Variants in TAF1C observed in about 807,000 individuals in gnomAD.
TAF1C encodes TATA-box binding protein associated factor, RNA polymerase I subunit C.
TAF1C carries 79 observed loss-of-function variants against 70.5 expected under a neutral mutation model. The observed-to-expected ratio is 1.12, with a 90% CI of 0.93 to 1.35. The LOEUF (loss-of-function observed/expected upper bound fraction) is 1.35. Ranked by LOEUF, TAF1C falls within the 40% of genes most tolerant of loss-of-function variation. The pLI is 0.00. For synonymous variants in TAF1C, 614 were observed against 491.1 expected (o/e 1.25, Z -3.31); for missense variants, 1,412 against 1,127.8 (o/e 1.25, Z -3.61).
At chr16:84,185,555 G>A (rs2089435455) in intron 1 of TAF1C, 1 of 152,246 alleles carries the variant, frequency 6.6e-6, no homozygotes, top group South Asian at 2.1e-4. Flanking sequence ...TCTTCCTACT[G>A]TCAAGCACAG....
At chr16:84,180,450 G>A in intron 12 of TAF1C, 106 bp from the exon 13 acceptor site, 1 of 1,181,658 alleles carries the variant, frequency 8.5e-7, no homozygotes, top group Non-Finnish European at 1.2e-6. Flanking sequence ...AGCCCTGAGG[G>A]GCAGCAGCAT....
Position 84,183,681 on chromosome 16 carries a change from G to A in TAF1C, c.220+16C>T. Reference sequence around the variant, plus strand: ...TGGAGCAGTGTGGAGTGAGCCCGGGGGAATGAGACCCTTACCGATGAGGGG... The same window carrying A: ...TGGAGCAGTGTGGAGTGAGCCCGGGAGAATGAGACCCTTACCGATGAGGGG... On this transcript the variant is annotated intron_variant, in intron 3 of 14. Transcript: ENST00000566732. 6.2e-7 allele frequency: 1 copy of A among 1,607,104 alleles called. No individual in the cohort carries two copies. Among genetic ancestry groups the A allele is most frequent in the Non-Finnish European group, 8.5e-7 (1 of 1,175,794 alleles).
In TAF1C at chr16:84,182,296, C is replaced by A; in HGVS notation, c.627G>T (p.Glu209Asp). The A allele has an allele frequency of 1.2e-6, 2 of 1,612,990 alleles. No individual in the cohort carries two copies. Among genetic ancestry groups the A allele is most frequent in the Non-Finnish European group, 1.7e-6 (2 of 1,179,948 alleles). The change falls in exon 7 of 15, where the codon GAG becomes GAT. Residue 209 changes from glutamate (E) to aspartate (D), a missense_variant. Glu to Asp is a conservative substitution (Grantham distance 45). Coordinates refer to ENST00000566732, the MANE Select transcript of TAF1C (RefSeq NM_001243156.2). The surrounding 1 kb of genome is among the most constrained non-coding windows in gnomAD (Gnocchi z 5.0). ...AGGCCAGCGCGCCCCCAGTGCAGGC[C>A]TCATCCAGAAGCAGCTGCTCCCACC... ...VLRWEQLLLD[E>D]ACTGGALAWV...
Position 84,181,789 on chromosome 16 carries a change from G to C in TAF1C, c.913C>G (p.Gln305Glu). The change falls in exon 9 of 15, where the codon CAG (glutamine) becomes GAG (glutamate). Residue 305 changes from glutamine to glutamate, a missense_variant. By Grantham distance (29) the Gln-to-Glu change is conservative. Transcript: ENST00000566732. ...GCCCCTTTCTCCACCTGCATTGCCTGCAGAAGGGTTGGCTGCCACTGTTTA... is the reference window on the plus strand; with the variant it reads ...GCCCCTTTCTCCACCTGCATTGCCTCCAGAAGGGTTGGCTGCCACTGTTTA... ...FGKQWQPTLL[Q>E]AMQVEKGATG... 1 of 1,614,174 alleles carries C rather than the reference G, an allele frequency of 6.2e-7. No homozygotes were observed. Among genetic ancestry groups the C allele is most frequent in the Non-Finnish European group, 8.5e-7 (1 of 1,180,026 alleles).
At chr16:84,183,567 G>A (rs1208185537) in intron 3 of TAF1C, 60 bp from the exon 4 acceptor site, 2 of 1,557,288 alleles carry the variant, frequency 1.3e-6, no homozygotes. Context: ...AGATGCCCTG[G>A]GCGACTGGAG....
intron 12 of TAF1C, 172 bp from the exon 13 acceptor site, chr16:84,180,516 C>T (rs1404196446): frequency 2.9e-6 from 2 of 690,054 alleles, no homozygotes; most frequent in Non-Finnish European, 4.6e-6. Flanking sequence ...TGAACAGGTG[C>T]CGCTTCCTTC....
At position 84,178,320 on chromosome 16, in the gene TAF1C, A is replaced by T; in HGVS notation, c.*621T>A. The T allele has an allele frequency of 2.2e-6, 1 of 456,986 alleles. No homozygotes were observed. The highest frequency in any genetic ancestry group is 4.4e-6 in the Non-Finnish European group (1 of 227,148). The allele number at this position is 456,986 out of a possible 1,614,324, so 28.3% of individuals were successfully genotyped here. ...AGCCATCATCTCTCTGCATGAGCTC[A>T]GTGTCAGGTAGTAGCTGTGGCGGGA... On this transcript the variant is annotated 3_prime_UTR_variant, in exon 15 of 15. Transcript: ENST00000566732.
At chr16:84,183,900 A>C in intron 2 of TAF1C, 122 bp from the exon 3 acceptor site, 1 of 689,632 alleles carries the variant, frequency 1.5e-6, no homozygotes, top group Non-Finnish European at 2.4e-6. Flanking sequence ...CGAAGCTGGG[A>C]TGACTGGCAT....
At position 84,182,595 on chromosome 16, in the gene TAF1C, C is replaced by G. The variant is rs559936625; in HGVS notation, c.483-155G>C. Among the ~76,000 whole-genome samples, 40 of 152,342 alleles carry G rather than the reference C, an allele frequency of 2.6e-4. No individual in the cohort carries two copies. The highest frequency in any genetic ancestry group is 4.9e-4 in the Non-Finnish European group (33 of 68,028). On this transcript the variant is annotated intron_variant, in intron 6 of 14. Coordinates refer to ENST00000566732, the MANE Select transcript of TAF1C (RefSeq NM_001243156.2). The surrounding 1 kb of genome is among the most constrained non-coding windows in gnomAD (Gnocchi z 5.0). The stretch of plus-strand genomic sequence containing the variant: ...CCATCCTGTTCCCATGCCCCGGAAG[C>G]AATCATGTGACCCAGACCTGGCCAC...
Position 84,179,433 on chromosome 16 carries a change from G to T in TAF1C, c.2040C>A (p.Pro680=), listed in dbSNP as rs747616536. 6.3e-7 allele frequency: 1 copy of T among 1,597,076 alleles called. No individual in the cohort carries two copies. Among genetic ancestry groups the T allele is most frequent in the East Asian group, 2.2e-5 (1 of 44,762 alleles). ...CCTCTAGGCCTGACTCGGGTGCAGG[G>T]GGTGGCTCTGCCGCAGGGAGGGAGC... ...DLGSLPAAEP[P]PAPESGLEDK... is the part of the protein sequence containing the mutation. Residue 680 remains proline, a synonymous_variant, in exon 15 of 15, where the codon CCC becomes CCA. Coordinates refer to ENST00000566732, the MANE Select transcript of TAF1C (RefSeq NM_001243156.2).
chr16:84,186,063 A>C (rs1207842204), intron 1 of TAF1C, among the ~76,000 whole-genome samples: 2 of 152,266 alleles, frequency 1.3e-5, no homozygotes, highest in African/African-American at 4.8e-5. Context: ...GGCACATGCT[A>C]AATGCTGCAC....
Position 84,185,075 on chromosome 16 carries a change from G to T in TAF1C, c.-72-15C>A. On this transcript the variant is annotated splice_polypyrimidine_tract_variant and intron_variant, in intron 1 of 14. Coordinates refer to ENST00000566732, the MANE Select transcript of TAF1C (RefSeq NM_001243156.2). ...CGCCAGAGTTCCTGAGGAGTGAAAA[G>T]TGCACTACGGGAAGCATATGTTCTT... 3 of 1,473,430 alleles carry T rather than the reference G, an allele frequency of 2.0e-6. No homozygotes were observed. Among genetic ancestry groups the T allele is most frequent in the Non-Finnish European group, 2.7e-6 (3 of 1,094,592 alleles). The allele number at this position is 1,473,430 out of a possible 1,614,324, so 91.3% of individuals were successfully genotyped here.
At chr16:84,180,419 T>A (rs778173993) in intron 12 of TAF1C, 75 bp from the exon 13 acceptor site, 23 of 1,453,374 alleles carry the variant, frequency 1.6e-5, no homozygotes, top group East Asian at 1.3e-4. Flanking sequence ...AGGCCCCATG[T>A]GGCTCTCCAG....
Position 84,181,500 on chromosome 16 carries a change from G to C in TAF1C, c.1029-37C>G, listed in dbSNP as rs374640672. On this transcript the variant is annotated intron_variant, in intron 10 of 14. Transcript: ENST00000566732. ...AGGCAAGCCGTGGGCAGGGGGACAG[G>C]CTGATGGGGAAGGGGCTCAAGGGTC... 1.0e-4 allele frequency: 169 copies of C among 1,613,580 alleles called. 1 individual carries two copies. Among genetic ancestry groups the C allele is most frequent in the Middle Eastern group, 1.6e-4 (1 of 6,084 alleles).
Position 84,182,307 on chromosome 16 carries a change from G to GCAGCTGCTCCCACCGCAGCAC in TAF1C, c.595_615dup (p.Val199_Leu205dup). 6.2e-7 allele frequency: 1 copy of GCAGCTGCTCCCACCGCAGCAC among 1,612,864 alleles called. No individual in the cohort carries two copies. ...CCCCCAGTGCAGGCCTCATCCAGAA[G>GCAGCTGCTCCCACCGCAGCAC]CAGCTGCTCCCACCGCAGCACCAGC... is the stretch of plus-strand genomic sequence containing the variant. On this transcript the variant is annotated inframe_insertion, in exon 7 of 15. Coordinates refer to ENST00000566732, the MANE Select transcript of TAF1C (RefSeq NM_001243156.2). The surrounding 1 kb of genome is among the most constrained non-coding windows in gnomAD (Gnocchi z 5.0).
Position 84,182,496 on chromosome 16 carries a change from T to G in TAF1C, c.483-56A>C, listed in dbSNP as rs1272872285. 1 of 1,516,076 alleles carries G rather than the reference T, an allele frequency of 6.6e-7. No individual in the cohort carries two copies. The highest frequency in any genetic ancestry group is 2.0e-5 in the Admixed American group (1 of 51,156). 93.9% of individuals were successfully genotyped at this position (1,516,076 alleles called of 1,614,324 possible). A position where few individuals can be genotyped will look rare whatever the true frequency, so the allele number is the denominator to read the frequency against. On this transcript the variant is annotated intron_variant, in intron 6 of 14. Transcript: ENST00000566732. The surrounding 1 kb of genome is among the most constrained non-coding windows in gnomAD (Gnocchi z 5.0). ...TCGGTGGCACTCAGGGGAGGACAGG[T>G]CCCATCCCAAGGAGGCCAAGTGCAG... is the stretch of plus-strand genomic sequence containing the variant.
rs1311631541 is a variant in TAF1C at position 84,178,964 on chromosome 16, T to G, written c.2509A>C (p.Lys837Gln). ...PVLSSSQPLR[K>Q]KPRMGF ...CCTCAGAAGCCCATTCGAGGCTTCT[T>G]CCGGAGGGGCTGAGAGCTAGAGAGG... The change falls in exon 15 of 15, where the codon AAG becomes CAG. Residue 837 changes from lysine to glutamine, a missense_variant. By Grantham distance (53) the Lys-to-Gln change is moderately conservative. Transcript: ENST00000566732. 1.2e-6 allele frequency: 2 copies of G among 1,610,010 alleles called. No homozygotes were observed. Among genetic ancestry groups the G allele is most frequent in the African/African-American group, 1.3e-5 (1 of 75,020 alleles).
In TAF1C at chr16:84,179,833, G is replaced by A. The variant is rs4150170; in HGVS notation, c.1640C>T (p.Pro547Leu). Residue 547 changes from proline to leucine, a missense_variant, in exon 15 of 15, where the codon CCG becomes CTG. Physicochemically the swap from Pro to Leu is moderately conservative, Grantham distance 98. Transcript: ENST00000566732. ...APTIGLAAVV[P>L]PLPSAPTPGL... ...TGGTGTGGGCGCTGAGGGCAAGGGC[G>A]GGACGACGGCAGCCAGACCTGGTGA... The A allele has an allele frequency of 5.4e-3, 8,685 of 1,606,722 alleles. 69 individuals are homozygous for A. Among genetic ancestry groups the A allele is most frequent in the South Asian group, 5.5e-3 (502 of 90,798 alleles).
chr16:84,185,878 C>A (rs1012595574), intron 1 of TAF1C, among the ~76,000 whole-genome samples: 3 of 151,716 alleles, frequency 2.0e-5, no homozygotes, highest in African/African-American at 7.3e-5. Flanking sequence ...GTAGCCTGGG[C>A]AACAAGAGCG....
Sources: allele counts gnomAD v4.1 joint callset (sites outside exome capture counted in the v4.1 genomes callset), GRCh38; gene constraint gnomAD v4.1.1; non-coding constraint Gnocchi (gnomAD v3.1); transcripts MANE v1.5; gene names NCBI Gene and HGNC (gene_info 2026-07-23, HGNC 2026-07-21).